Variants in SBK1 observed in about 807,000 individuals in gnomAD.
SBK1 encodes SH3 domain binding kinase 1.
Under a neutral mutation model 24.4 loss-of-function variants are expected in SBK1, and 11 were observed. The ratio of observed to expected loss-of-function variants is 0.45; its 90% CI spans 0.28 to 0.75. The LOEUF (loss-of-function observed/expected upper bound fraction) is 0.75. SBK1 is among the 30% of genes least tolerant of loss of function. SBK1 has a pLI of 0.12. For synonymous variants in SBK1, 308 were observed against 284.4 expected, an observed-to-expected ratio of 1.08 and a Z score of -0.83; for missense variants, 467 against 620.5, an observed-to-expected ratio of 0.75 and a Z score of 2.63.
chr16:28,301,620 C>A (rs1371468112), intron 1 of SBK1, among the ~76,000 whole-genome samples: 1 of 152,198 alleles, frequency 6.6e-6, no homozygotes, highest in African/African-American at 2.4e-5. Context: ...CCTTCTGCCT[C>A]AAGTGGGTTC....
At chr16:28,318,894 G>A (rs1596554902) in intron 2 of SBK1, 101 bp from the exon 3 acceptor site, 1 of 844,830 alleles carries the variant, frequency 1.2e-6, no homozygotes, top group South Asian at 1.4e-5. Context: ...CATGCCTGCT[G>A]GGGACCCTGT....
Position 28,322,910 on chromosome 16 carries a change from C to G in SBK1, c.*1989C>G. Reference sequence around the variant, plus strand: ...GTCCCTTGCCGTGCTCGCTCTCTCTCTCGCGCGCGCTCTCTCTCTCCCTCT... The same window carrying G: ...GTCCCTTGCCGTGCTCGCTCTCTCTGTCGCGCGCGCTCTCTCTCTCCCTCT... On this transcript the variant is annotated 3_prime_UTR_variant, in exon 4 of 4. Coordinates refer to ENST00000341901, the MANE Select transcript of SBK1 (RefSeq NM_001024401.3). 1.1e-5 allele frequency: 1 copy of G among 90,838 alleles called. No homozygotes were observed. The allele number at this position is 90,838 out of a possible 1,614,324, so 5.6% of individuals were successfully genotyped here.
intron 1 of SBK1, among the ~76,000 whole-genome samples, chr16:28,279,400 TAAAA>T (rs964209429): frequency 1.8e-4 from 4 of 22,034 alleles, no homozygotes; most frequent in African/African-American, 4.1e-4. Context: ...ATCTGGTCTC[TAAAA>T]AACAAAACCA....
intron 1 of SBK1, among the ~76,000 whole-genome samples, chr16:28,311,601 G>A (rs960712284): frequency 1.3e-5 from 2 of 151,994 alleles, no homozygotes; most frequent in African/African-American, 2.4e-5. Flanking sequence ...CTCACAAGAA[G>A]GCTGAGATGG....
chr16:28,267,358 C>T (rs913848581), intron 1 of SBK1, among the ~76,000 whole-genome samples: 9 of 152,150 alleles, frequency 5.9e-5, no homozygotes, highest in African/African-American at 2.2e-4. Flanking sequence ...CTATTCGTGG[C>T]GTATCACTTT....
rs1423283484 is a variant in SBK1, at chr16:28,319,375, G to A, written c.429+178G>A. Reference sequence around the variant, plus strand: ...GAAGACAAAAGTCCCTGTTCTAGTGGGAAACTGACACTCCACAGCGGGCCA... The same window carrying A: ...GAAGACAAAAGTCCCTGTTCTAGTGAGAAACTGACACTCCACAGCGGGCCA... On this transcript the variant is annotated intron_variant, in intron 3 of 3. Transcript: ENST00000341901. The surrounding 1 kb of genome is among the most constrained non-coding windows in gnomAD (Gnocchi z 4.0). Among the ~76,000 whole-genome samples the A allele has an allele frequency of 6.6e-6, 1 of 152,122 alleles. No homozygotes were observed. Among genetic ancestry groups the A allele is most frequent in the Non-Finnish European group, 1.5e-5 (1 of 68,024 alleles).
rs1009273954 is a variant in SBK1, at chr16:28,319,981, G to T, written c.430-95G>T. 54 of 1,335,522 alleles carry T rather than the reference G, an allele frequency of 4.0e-5. No homozygotes were observed. The highest frequency in any genetic ancestry group is 2.3e-5 in the Non-Finnish European group (23 of 1,021,076). The allele number at this position is 1,335,522 out of a possible 1,614,324, so 82.7% of individuals were successfully genotyped here. On this transcript the variant is annotated intron_variant, in intron 3 of 3. Coordinates refer to ENST00000341901, the MANE Select transcript of SBK1 (RefSeq NM_001024401.3). The surrounding 1 kb of genome is among the most constrained non-coding windows in gnomAD (Gnocchi z 4.0). ...AGTTACTGGGGACAGGGTGGGAGGC[G>T]AAAACCGCCTTGCTAGAGAGGGAGC... is the stretch of plus-strand genomic sequence containing the variant.
At position 28,311,795 on chromosome 16, in the gene SBK1, TG is replaced by T. The variant is rs1370141061; in HGVS notation, c.-7-5584del. Among the ~76,000 whole-genome samples the T allele has an allele frequency of 9.9e-5, 15 of 151,630 alleles. No homozygotes were observed. In the East Asian group the frequency reaches 2.9e-3, roughly 29 times the overall value. ...TCAGAGCATGGGCTGAACCTGACAG[TG>T]GGGGGCACACATGGGGCCCAAACTG... On this transcript the variant is annotated intron_variant, in intron 1 of 3. Coordinates refer to ENST00000341901, the MANE Select transcript of SBK1 (RefSeq NM_001024401.3).
At chr16:28,279,904 C>G (rs1333322409) in intron 1 of SBK1, among the ~76,000 whole-genome samples, 2 of 151,602 alleles carry the variant, frequency 1.3e-5, no homozygotes, top group Admixed American at 6.6e-5. Flanking sequence ...ATGTGGGCAA[C>G]AGCGATGGTT....
intron 1 of SBK1, among the ~76,000 whole-genome samples, chr16:28,278,492 TCA>T: frequency 6.6e-6 from 1 of 152,318 alleles, no homozygotes; most frequent in Admixed American, 6.5e-5. Context: ...CAGGCAGGTG[TCA>T]CCACGCCTGA....
At chr16:28,297,582 G>A (rs1041818311) in intron 1 of SBK1, among the ~76,000 whole-genome samples, 1 of 152,214 alleles carries the variant, frequency 6.6e-6, no homozygotes, top group African/African-American at 2.4e-5. Context: ...GTGACCTTCA[G>A]CAAGGCACTT....
intron 1 of SBK1, among the ~76,000 whole-genome samples, chr16:28,271,662 A>T (rs2044466641): frequency 6.6e-6 from 1 of 152,208 alleles, no homozygotes; most frequent in Admixed American, 6.5e-5. Flanking sequence ...AAGAGAAGAG[A>T]TCTCTTCAAG....
chr16:28,266,973 C>G (rs1655323641), intron 1 of SBK1, among the ~76,000 whole-genome samples: 1 of 151,972 alleles, frequency 6.6e-6, no homozygotes, highest in Non-Finnish European at 1.5e-5. Flanking sequence ...GTGGTGCGAT[C>G]TCAGCACACT....
At chr16:28,283,406 C>T (rs2044545860) in intron 1 of SBK1, among the ~76,000 whole-genome samples, 1 of 152,148 alleles carries the variant, frequency 6.6e-6, no homozygotes, top group Non-Finnish European at 1.5e-5. Flanking sequence ...CTCTTTACCT[C>T]TCTTGGCTCT....
intron 1 of SBK1, among the ~76,000 whole-genome samples, chr16:28,275,341 G>T (rs2044489386): frequency 6.6e-6 from 1 of 152,092 alleles, no homozygotes; most frequent in Non-Finnish European, 1.5e-5. Flanking sequence ...GGGTGAGGCT[G>T]CCCCTGTGCG....
chr16:28,259,079 T>C, upstream of SBK1: 1 of 152,542 alleles, frequency 6.6e-6, no homozygotes, highest in Non-Finnish European at 1.5e-5. This position sits in a 1 kb window ranked among gnomAD's most constrained non-coding sequence, Gnocchi z 6.0. Flanking sequence ...GGGGGGGCAC[T>C]CCCAGACCTC....
intron 1 of SBK1, among the ~76,000 whole-genome samples, chr16:28,304,493 C>G (rs1470638023): frequency 6.6e-6 from 1 of 152,180 alleles, no homozygotes; most frequent in Non-Finnish European, 1.5e-5. Context: ...TGCTTAACCC[C>G]TTTGATCCTC....
At chr16:28,261,124 G>A (rs2044394852) in intron 1 of SBK1, among the ~76,000 whole-genome samples, 1 of 152,110 alleles carries the variant, frequency 6.6e-6, no homozygotes, top group African/African-American at 2.4e-5. Flanking sequence ...AAGACTCGAG[G>A]CAAAACAGGG....
At position 28,271,140 on chromosome 16, in the gene SBK1, G is replaced by A. The variant is rs540107582; in HGVS notation, c.257+11638G>A. On this transcript the variant is annotated intron_variant, in intron 1 of 3. Coordinates refer to the SBK1 transcript ENST00000671413. ...AGCCTCCCAAAGTGCTGGGATTACA[G>A]GCGTGAGCCACTGCACCCGGCCTAC... Among the ~76,000 whole-genome samples, 75 of 152,210 alleles carry A rather than the reference G, an allele frequency of 4.9e-4. 1 individual carries two copies. Among genetic ancestry groups the A allele is most frequent in the Admixed American group, 4.7e-3 (72 of 15,270 alleles).
Sources: allele counts gnomAD v4.1 joint callset (sites outside exome capture counted in the v4.1 genomes callset), GRCh38; gene constraint gnomAD v4.1.1; non-coding constraint Gnocchi (gnomAD v3.1); transcripts MANE v1.5; gene names NCBI Gene and HGNC (gene_info 2026-07-23, HGNC 2026-07-21).